The following PPEF1 variants were observed in gnomAD, a reference collection of about 807,000 sequenced individuals.
The protein encoded by PPEF1 is protein phosphatase with EF-hand domain 1, also known as serine/threonine-protein phosphatase with EF-hands 1.
Under a neutral mutation model 53.3 loss-of-function variants are expected in PPEF1, and 12 were observed. That is an observed-to-expected ratio of 0.23 (90% CI 0.14 to 0.36). The LOEUF is 0.36. PPEF1 is among the 10% of genes least tolerant of loss of function. The pLI is 1.00. For synonymous variants in PPEF1, 165 were observed against 176.7 expected (o/e 0.93, Z 0.52); for missense variants, 334 against 490.4 (o/e 0.68, Z 3.01).
intron 3 of PPEF1, among the ~76,000 whole-genome samples, chrX:18,737,464 TTTGA>T (rs1296001813): frequency 4.5e-5 from 5 of 112,056 alleles, no homozygotes; most frequent in African/African-American, 1.6e-4. Context: ...TGAGTTCTAG[TTTGA>T]TTGCACTGTG....
At chrX:18,711,182 A>G (rs1285646282) in intron 1 of PPEF1, among the ~76,000 whole-genome samples, 1 of 109,005 alleles carries the variant, frequency 9.2e-6, no homozygotes, top group Non-Finnish European at 1.9e-5. Flanking sequence ...ATGGAACAAG[A>G]AGCCATTATC....
rs752389960 is a variant in PPEF1 at position 18,736,676 on chromosome X, A to G, written c.235+2868A>G. On this transcript the variant is annotated intron_variant, in intron 3 of 15. Transcript: ENST00000470157. Reference sequence around the variant, plus strand: ...ATTAAGGAGGATTCCCTCTTTTTCTATGGATTGGAATAGTTTCAGAAGGAA... The same window carrying G: ...ATTAAGGAGGATTCCCTCTTTTTCTGTGGATTGGAATAGTTTCAGAAGGAA... Among the ~76,000 whole-genome samples the G allele has an allele frequency of 7.9e-4, 88 of 111,535 alleles. 1 individual carries two copies. Among genetic ancestry groups the G allele is most frequent in the Admixed American group, 6.8e-3 (72 of 10,514 alleles).
chrX:18,745,158 A>ATT (rs2045301669), intron 3 of PPEF1, among the ~76,000 whole-genome samples: 1 of 94,908 alleles, frequency 1.1e-5, no homozygotes, highest in African/African-American at 3.9e-5. Context: ...TATATATTAT[A>ATT]ATATAATTAT....
At chrX:18,711,338 G>A (rs1196622132) in intron 1 of PPEF1, among the ~76,000 whole-genome samples, 3 of 108,960 alleles carry the variant, frequency 2.8e-5, no homozygotes, top group Non-Finnish European at 5.7e-5. Context: ...GGAGGGGGGT[G>A]AGGTATGAGA....
intron 9 of PPEF1, among the ~76,000 whole-genome samples, chrX:18,788,112 C>G (rs776106190): frequency 1.8e-5 from 2 of 110,956 alleles, no homozygotes; most frequent in South Asian, 3.8e-4. Context: ...GTCAGGAGAT[C>G]AAGACCATCC....
chrX:18,676,417 A>G (rs1016182654), intron 1 of PPEF1, among the ~76,000 whole-genome samples: 18 of 104,844 alleles, frequency 1.7e-4, no homozygotes, highest in Admixed American at 1.2e-3. Flanking sequence ...GGGTTTTTCT[A>G]GTACCCGTTT....
At chrX:18,773,042 T>G (rs1230479492) in intron 6 of PPEF1, among the ~76,000 whole-genome samples, 2 of 112,568 alleles carry the variant, frequency 1.8e-5, no homozygotes. Context: ...CTTTTGCTTT[T>G]TTTTCTCTTC....
intron 1 of PPEF1, among the ~76,000 whole-genome samples, chrX:18,677,807 A>G (rs1928730462): frequency 1.8e-5 from 2 of 111,564 alleles, no homozygotes; most frequent in South Asian, 7.5e-4. Flanking sequence ...GTTTTGCAGC[A>G]TCCCTGGCCT....
chrX:18,802,234 T>C (rs1414591092), intron 10 of PPEF1, among the ~76,000 whole-genome samples: 1 of 109,391 alleles, frequency 9.1e-6, no homozygotes, highest in Non-Finnish European at 1.9e-5. Context: ...CTGGCTAGTT[T>C]TTATTTTTTA....
At chrX:18,766,209 G>T (rs898111557) in intron 6 of PPEF1, among the ~76,000 whole-genome samples, 2 of 111,206 alleles carry the variant, frequency 1.8e-5, no homozygotes, top group Admixed American at 1.9e-4. Flanking sequence ...GCAAAAGAAT[G>T]TCCTAAGTTA....
chrX:18,726,351 CAAATAAATAAATAAAT>C (rs557593698), intron 1 of PPEF1, among the ~76,000 whole-genome samples: 6 of 94,764 alleles, frequency 6.3e-5, no homozygotes, highest in East Asian at 6.4e-4. Context: ...GACTCTGACT[CAAATAAATAAATAAAT>C]AAATAAATAA....
At chrX:18,738,223 T>G (rs1398734422) in intron 3 of PPEF1, among the ~76,000 whole-genome samples, 1 of 111,963 alleles carries the variant, frequency 8.9e-6, no homozygotes. Flanking sequence ...CTAGCCACGA[T>G]GGTCTTTACA....
chrX:18,772,320 G>A (rs1438719427), intron 6 of PPEF1, among the ~76,000 whole-genome samples: 2 of 111,187 alleles, frequency 1.8e-5, no homozygotes, highest in Admixed American at 1.9e-4. Flanking sequence ...CATATAAGTG[G>A]ACCCATGCAG....
chrX:18,736,806 A>C (rs928902449), intron 3 of PPEF1, among the ~76,000 whole-genome samples: 35 of 111,943 alleles, frequency 3.1e-4, no homozygotes, highest in Non-Finnish European at 6.4e-4. Flanking sequence ...TCAATTTCAG[A>C]GCCTGTTATT....
intron 3 of PPEF1, among the ~76,000 whole-genome samples, chrX:18,739,721 C>T (rs1569252900): frequency 8.9e-6 from 1 of 112,463 alleles, no homozygotes; most frequent in Admixed American, 9.4e-5. Context: ...CAGCTATGCC[C>T]TGCCCCCAGA....
At chrX:18,714,364 C>T (rs10156946) in intron 1 of PPEF1, among the ~76,000 whole-genome samples, 5 of 107,966 alleles carry the variant, frequency 4.6e-5, no homozygotes, top group African/African-American at 1.7e-4. Context: ...CTTCACCTCC[C>T]GGGTTCAAGT....
chrX:18,764,934 T>C (rs759283061), intron 6 of PPEF1, among the ~76,000 whole-genome samples: 1 of 112,007 alleles, frequency 8.9e-6, no homozygotes, highest in East Asian at 2.8e-4. Context: ...TTTAATTCTG[T>C]CTGCAAAACT....
At chrX:18,730,329 T>A in intron 2 of PPEF1, 21 bp downstream of exon 2, 1 of 1,196,569 alleles carries the variant, frequency 8.4e-7, no homozygotes, top group Non-Finnish European at 1.1e-6. Context: ...CAAGCTTTTC[T>A]CTTCTTTTGA....
Position 18,735,693 on chromosome X carries a change from C to T in PPEF1, c.235+1885C>T, listed in dbSNP as rs181967190. On this transcript the variant is annotated intron_variant, in intron 3 of 15. Transcript: ENST00000470157. ...GTCATTGGTAGCTTGATGGGGATGG[C>T]ATTGAATCTATAAATTACCTTGGGC... Among the ~76,000 whole-genome samples the T allele has an allele frequency of 8.8e-3, 984 of 111,849 alleles. 12 individuals are homozygous for T. Among genetic ancestry groups the T allele is most frequent in the African/African-American group, 0.03 (935 of 30,785 alleles).
Sources: allele counts gnomAD v4.1 joint callset (sites outside exome capture counted in the v4.1 genomes callset), GRCh38; gene constraint gnomAD v4.1.1; transcripts MANE v1.5; gene names NCBI Gene and HGNC (gene_info 2026-07-23, HGNC 2026-07-21).